The following NR3C2 variants were observed in gnomAD, a reference collection of about 807,000 sequenced individuals.
NR3C2 encodes the protein mineralocorticoid receptor.
Under a neutral mutation model 86.4 loss-of-function variants are expected in NR3C2, and 15 were observed. That is an observed-to-expected ratio of 0.17 (90% confidence interval 0.12 to 0.27). The LOEUF is 0.27. NR3C2 is among the 10% of genes least tolerant of loss of function. The pLI is 1.00. For missense variants in NR3C2, 960 were observed against 1,195.6 expected, an observed-to-expected ratio of 0.80 and a Z score of 2.91; for synonymous variants, 458 against 450.5, an observed-to-expected ratio of 1.02 and a Z score of -0.21.
intron 7 of NR3C2, among the ~76,000 whole-genome samples, chr4:148,116,298 G>A (rs1372587896): frequency 4.6e-5 from 7 of 152,282 alleles, no homozygotes; most frequent in African/African-American, 1.4e-4. Context: ...TATTATTGCT[G>A]TAACTGAAAT....
chr4:148,185,189 G>A (rs1013692726), intron 4 of NR3C2, among the ~76,000 whole-genome samples: 2 of 152,232 alleles, frequency 1.3e-5, no homozygotes, highest in African/African-American at 4.8e-5. Context: ...GCAATGTGAG[G>A]AAAAAGAAAC....
intron 2 of NR3C2, among the ~76,000 whole-genome samples, chr4:148,421,176 C>CT (rs960482149): frequency 1.2e-4 from 18 of 152,144 alleles, no homozygotes; most frequent in African/African-American, 4.3e-4. Flanking sequence ...ACTCAACTAC[C>CT]TTTTTTATAA....
chr4:148,430,961 C>T (rs1207843312), intron 2 of NR3C2, among the ~76,000 whole-genome samples: 3 of 152,032 alleles, frequency 2.0e-5, no homozygotes, highest in Non-Finnish European at 4.4e-5. Context: ...TTCTTGTAAC[C>T]TACCAGAATA....
At chr4:148,269,668 C>A (rs946182703) in intron 2 of NR3C2, among the ~76,000 whole-genome samples, 1 of 151,832 alleles carries the variant, frequency 6.6e-6, no homozygotes, top group African/African-American at 2.4e-5. Flanking sequence ...CAAAACAAAA[C>A]AAAACAAAAA....
At chr4:148,261,093 A>G (rs1224321580) in intron 2 of NR3C2, among the ~76,000 whole-genome samples, 2 of 152,192 alleles carry the variant, frequency 1.3e-5, no homozygotes, top group Non-Finnish European at 2.9e-5. Flanking sequence ...TCTGCCCTCA[A>G]AGTTGGTGGG....
intron 8 of NR3C2, among the ~76,000 whole-genome samples, chr4:148,093,983 C>T (rs1443965856): frequency 6.6e-6 from 1 of 152,060 alleles, no homozygotes; most frequent in African/African-American, 2.4e-5. Flanking sequence ...AGAACAACTA[C>T]AACTCAACAA....
intron 4 of NR3C2, among the ~76,000 whole-genome samples, chr4:148,178,945 A>AC (rs1299358117): frequency 6.6e-6 from 1 of 150,996 alleles, no homozygotes. Flanking sequence ...AAAAAAAAAA[A>AC]AACAAAAAAA....
chr4:148,129,474 C>G (rs139027184), intron 6 of NR3C2, among the ~76,000 whole-genome samples: 1 of 152,078 alleles, frequency 6.6e-6, no homozygotes, highest in Non-Finnish European at 1.5e-5. Context: ...GAACTGTACA[C>G]GTAAAAAGGG....
intron 3 of NR3C2, chr4:148,200,932 A>G (rs544786685): frequency 6.9e-6 from 1 of 144,926 alleles, no homozygotes; most frequent in South Asian, 2.1e-4. Context: ...TTATTAAATT[A>G]AAAAAAAAAA....
intron 4 of NR3C2, among the ~76,000 whole-genome samples, chr4:148,166,093 T>C (rs1398326765): frequency 6.6e-6 from 1 of 152,224 alleles, no homozygotes; most frequent in African/African-American, 2.4e-5. Flanking sequence ...GAATTAATAG[T>C]AGCCAATGAT....
At chr4:148,319,482 C>G (rs551834697) in intron 2 of NR3C2, among the ~76,000 whole-genome samples, 115 of 151,374 alleles carry the variant, frequency 7.6e-4, no homozygotes, top group African/African-American at 2.6e-3. Flanking sequence ...TGGCCATTTT[C>G]ACGATATTGA....
intron 2 of NR3C2, among the ~76,000 whole-genome samples, chr4:148,395,947 A>T (rs1483201416): frequency 6.6e-6 from 1 of 152,240 alleles, no homozygotes; most frequent in East Asian, 1.9e-4. Flanking sequence ...AGGCAGCTAG[A>T]GGTGGAAGCT....
At chr4:148,119,690 G>T (rs1732425231) in intron 7 of NR3C2, among the ~76,000 whole-genome samples, 1 of 151,684 alleles carries the variant, frequency 6.6e-6, no homozygotes, top group Non-Finnish European at 1.5e-5. Context: ...GGAGGCCGAG[G>T]CAGGAGAATC....
At chr4:148,287,082 G>A (rs1288305299) in intron 2 of NR3C2, among the ~76,000 whole-genome samples, 1 of 152,212 alleles carries the variant, frequency 6.6e-6, no homozygotes, top group Non-Finnish European at 1.5e-5. Context: ...AGTAAGGGAT[G>A]GCCCATGAGG....
chr4:148,192,317 G>C (rs1339149368), intron 4 of NR3C2, among the ~76,000 whole-genome samples: 3 of 152,190 alleles, frequency 2.0e-5, no homozygotes, highest in African/African-American at 7.2e-5. Context: ...TCTGCACAGA[G>C]TCCTGTGATG....
intron 2 of NR3C2, among the ~76,000 whole-genome samples, chr4:148,317,927 A>T (rs1743294980): frequency 6.6e-6 from 1 of 151,146 alleles, no homozygotes; most frequent in Admixed American, 6.6e-5. Flanking sequence ...CACATTCTGC[A>T]GGTTAGTTAC....
At chr4:148,241,702 T>C (rs1202790893) in intron 3 of NR3C2, among the ~76,000 whole-genome samples, 1 of 152,216 alleles carries the variant, frequency 6.6e-6, no homozygotes, top group African/African-American at 2.4e-5. Context: ...AAATTGTCTG[T>C]CTTCCTCACT....
At chr4:148,086,543 T>A (rs886093760) in intron 8 of NR3C2, among the ~76,000 whole-genome samples, 1 of 152,180 alleles carries the variant, frequency 6.6e-6, no homozygotes, top group Non-Finnish European at 1.5e-5. Context: ...GAGATCAGCC[T>A]GGCTAAAATG....
chr4:148,219,283 A>T (rs528116471), intron 3 of NR3C2, among the ~76,000 whole-genome samples: 3 of 152,178 alleles, frequency 2.0e-5, no homozygotes, highest in African/African-American at 7.2e-5. Context: ...TAGATTATGC[A>T]CGTCTACTCA....
Sources: allele counts gnomAD v4.1 joint callset (sites outside exome capture counted in the v4.1 genomes callset), GRCh38; gene constraint gnomAD v4.1.1; transcripts MANE v1.5; gene names NCBI Gene and HGNC (gene_info 2026-07-23, HGNC 2026-07-21).